GLRA3: variants seen among roughly 807,000 people sequenced by gnomAD.
GLRA3 encodes the protein glycine receptor subunit alpha-3.
Under a neutral mutation model 60.4 loss-of-function variants are expected in GLRA3, and 44 were observed. The observed-to-expected ratio is 0.73, with a 90% CI of 0.57 to 0.94. GLRA3 has a LOEUF of 0.94. Ranked by LOEUF, GLRA3 falls within the 40% of genes least tolerant of loss-of-function variation. The pLI is 0.00. For synonymous variants in GLRA3, 223 were observed against 192.9 expected, an observed-to-expected ratio of 1.16 and a Z score of -1.29; for missense variants, 508 against 564.6, an observed-to-expected ratio of 0.90 and a Z score of 1.02.
chr4:174,804,668 G>A (rs1202924796), intron 1 of GLRA3, among the ~76,000 whole-genome samples: 1 of 152,172 alleles, frequency 6.6e-6, no homozygotes, highest in African/African-American at 2.4e-5. Context: ...GGATACACCA[G>A]AATGAGGTTA....
intron 4 of GLRA3, 87 bp from the exon 5 acceptor site, chr4:174,715,657 G>T: frequency 1.6e-6 from 1 of 619,576 alleles, no homozygotes; most frequent in Non-Finnish European, 2.9e-6. Context: ...TTGCTTTGCT[G>T]GTGACTAACT....
At chr4:174,663,718 C>A (rs1262347229) in intron 7 of GLRA3, among the ~76,000 whole-genome samples, 1 of 152,158 alleles carries the variant, frequency 6.6e-6, no homozygotes, top group Non-Finnish European at 1.5e-5. Flanking sequence ...AACTTTGGGG[C>A]TAGTAACTTT....
At chr4:174,719,126 G>T (rs529829418) in intron 4 of GLRA3, among the ~76,000 whole-genome samples, 116 of 151,690 alleles carry the variant, frequency 7.6e-4, no homozygotes, top group African/African-American at 2.8e-3. Flanking sequence ...ACCTCGCCCG[G>T]CTAATTTTTT....
intron 3 of GLRA3, among the ~76,000 whole-genome samples, chr4:174,737,334 G>A (rs1222762171): frequency 2.6e-5 from 4 of 152,034 alleles, no homozygotes; most frequent in Admixed American, 6.6e-5. Flanking sequence ...CTATTAACAC[G>A]TAGTAGCTTG....
chr4:174,652,334 A>C (rs944467806), intron 9 of GLRA3, among the ~76,000 whole-genome samples: 1 of 152,152 alleles, frequency 6.6e-6, no homozygotes, highest in South Asian at 2.1e-4. Flanking sequence ...CTTTTGACTC[A>C]GAGACATTAT....
intron 4 of GLRA3, among the ~76,000 whole-genome samples, chr4:174,725,203 C>T (rs906843569): frequency 6.6e-6 from 1 of 152,210 alleles, no homozygotes; most frequent in Non-Finnish European, 1.5e-5. Flanking sequence ...CACGGCCAAT[C>T]TATTCATCTC....
intron 3 of GLRA3, among the ~76,000 whole-genome samples, chr4:174,756,799 CT>C: frequency 6.6e-6 from 1 of 152,248 alleles, no homozygotes; most frequent in African/African-American, 2.4e-5. Flanking sequence ...CACCCGTCAC[CT>C]CCCCTGGCTA....
intron 2 of GLRA3, among the ~76,000 whole-genome samples, chr4:174,776,972 T>C (rs1738628206): frequency 6.6e-6 from 1 of 152,128 alleles, no homozygotes; most frequent in Non-Finnish European, 1.5e-5. Context: ...AGGACAAATC[T>C]GAACAATTCT....
chr4:174,817,622 T>C (rs1260871438), intron 1 of GLRA3, among the ~76,000 whole-genome samples: 1 of 152,290 alleles, frequency 6.6e-6, no homozygotes, highest in African/African-American at 2.4e-5. Flanking sequence ...ATATATACTT[T>C]TTTGAGATGG....
chr4:174,709,645 CT>C (rs760567600), intron 5 of GLRA3, among the ~76,000 whole-genome samples: 7 of 151,952 alleles, frequency 4.6e-5, no homozygotes, highest in Non-Finnish European at 8.8e-5. Flanking sequence ...GAACTTCTGG[CT>C]TTTATACAAG....
intron 5 of GLRA3, among the ~76,000 whole-genome samples, chr4:174,706,169 G>T (rs1182017678): frequency 6.6e-6 from 1 of 151,934 alleles, no homozygotes; most frequent in African/African-American, 2.4e-5. Context: ...GGCAGAGCTT[G>T]CAGTGAGCCG....
At chr4:174,764,652 T>A (rs1046743268) in intron 3 of GLRA3, among the ~76,000 whole-genome samples, 3 of 151,968 alleles carry the variant, frequency 2.0e-5, no homozygotes, top group African/African-American at 7.2e-5. Context: ...TTTTACTGAA[T>A]TAAAAAAATA....
intron 5 of GLRA3, among the ~76,000 whole-genome samples, chr4:174,695,799 A>G (rs951108156): frequency 3.9e-5 from 6 of 151,936 alleles, no homozygotes; most frequent in African/African-American, 1.5e-4. Context: ...ATGTCAAACT[A>G]CCTCTGTTTG....
At chr4:174,685,801 A>T (rs200824165) in intron 5 of GLRA3, among the ~76,000 whole-genome samples, 2 of 152,164 alleles carry the variant, frequency 1.3e-5, no homozygotes, top group Non-Finnish European at 2.9e-5. Context: ...CTTCTGCCAG[A>T]TAAGACATGT....
At position 174,746,119 on chromosome 4, in the gene GLRA3, C is replaced by A. The variant is rs557109037; in HGVS notation, c.268-17421G>T. 2.0e-5 allele frequency among the ~76,000 whole-genome samples: 3 copies of A among 152,172 alleles called. No homozygotes were observed. The South Asian group carries it at 6.2e-4, about 32-fold the overall frequency. On this transcript the variant is annotated intron_variant, in intron 3 of 9. Transcript: ENST00000274093. ...GAAAACTAAAAGTAGAACTACCACA[C>A]AATCCAGCAATCTTACTACTGGGTA...
intron 3 of GLRA3, among the ~76,000 whole-genome samples, chr4:174,763,580 G>A (rs4695961): frequency 0.76 from 116,079 of 152,096 alleles, 44,546 homozygotes; most frequent in East Asian, 1. Flanking sequence ...TGCATTGTTA[G>A]ACCCAACTTA....
intron 2 of GLRA3, among the ~76,000 whole-genome samples, chr4:174,772,045 A>AC (rs1246191253): frequency 2.6e-5 from 4 of 152,138 alleles, no homozygotes; most frequent in Non-Finnish European, 5.9e-5. Context: ...CCGTCTTTGG[A>AC]GGAGCAAACT....
At chr4:174,721,897 A>G (rs905874220) in intron 4 of GLRA3, among the ~76,000 whole-genome samples, 2 of 148,542 alleles carry the variant, frequency 1.3e-5, no homozygotes, top group African/African-American at 2.6e-5. Flanking sequence ...ATGTGTGTGT[A>G]TGTGTGTATG....
intron 7 of GLRA3, among the ~76,000 whole-genome samples, chr4:174,675,739 A>G (rs183470224): frequency 9.2e-5 from 14 of 152,332 alleles, no homozygotes; most frequent in Non-Finnish European, 1.5e-4. Flanking sequence ...TTGAAAATAC[A>G]ATTAATTGTT....
Sources: allele counts gnomAD v4.1 joint callset (sites outside exome capture counted in the v4.1 genomes callset), GRCh38; gene constraint gnomAD v4.1.1; transcripts MANE v1.5; gene names NCBI Gene and HGNC (gene_info 2026-07-23, HGNC 2026-07-21).